WWOX: variants seen among roughly 807,000 people sequenced by gnomAD.
WWOX encodes WW domain containing oxidoreductase, also known as WW domain-containing oxidoreductase.
WWOX carries 69 observed loss-of-function variants against 46.2 expected under a neutral mutation model. The ratio of observed to expected loss-of-function variants is 1.49; its 90% CI spans 1.23 to 1.82. WWOX has a LOEUF of 1.82. WWOX is among the 40% of genes most tolerant of loss of function. The pLI is 0.00. For missense variants in WWOX, 919 were observed against 542.6 expected (o/e 1.69, Z -6.89); for synonymous variants, 359 against 202.6 (o/e 1.77, Z -6.56).
At chr16:79,117,740 C>T (rs373017063) in intron 8 of WWOX, among the ~76,000 whole-genome samples, 1 of 152,234 alleles carries the variant, frequency 6.6e-6, no homozygotes, top group African/African-American at 2.4e-5. Context: ...CTTCATGTTG[C>T]ACTTTTTTGT....
At chr16:78,912,965 C>G (rs2045150612) in intron 8 of WWOX, among the ~76,000 whole-genome samples, 1 of 151,992 alleles carries the variant, frequency 6.6e-6, no homozygotes, top group African/African-American at 2.4e-5. Flanking sequence ...CTGAGGGCTC[C>G]ACAAAGAACT....
intron 8 of WWOX, among the ~76,000 whole-genome samples, chr16:78,924,632 A>C (rs1455054425): frequency 6.6e-6 from 1 of 152,184 alleles, no homozygotes; most frequent in Non-Finnish European, 1.5e-5. Flanking sequence ...ACTGTTTAGA[A>C]AGTGTTAATT....
At chr16:78,320,386 A>G (rs2080442367) in intron 5 of WWOX, among the ~76,000 whole-genome samples, 1 of 152,082 alleles carries the variant, frequency 6.6e-6, no homozygotes, top group Non-Finnish European at 1.5e-5. Flanking sequence ...ACTTCTGTGA[A>G]CTCCAAGTAG....
chr16:78,958,165 C>G (rs1352290076), intron 8 of WWOX, among the ~76,000 whole-genome samples: 1 of 152,172 alleles, frequency 6.6e-6, no homozygotes, highest in Non-Finnish European at 1.5e-5. Context: ...GAAGGAAATT[C>G]CATTTGGTCC....
chr16:78,540,027 C>CACACAG (rs1555558660), intron 8 of WWOX, among the ~76,000 whole-genome samples: 1 of 150,552 alleles, frequency 6.6e-6, no homozygotes, highest in Admixed American at 6.6e-5. Flanking sequence ...CTCTCACACA[C>CACACAG]ACACACACAC....
At chr16:78,196,866 C>T (rs2036069208) in intron 5 of WWOX, among the ~76,000 whole-genome samples, 4 of 152,198 alleles carry the variant, frequency 2.6e-5, no homozygotes, top group Admixed American at 2.6e-4. Context: ...GTAAGATCCA[C>T]AAGGCAATTT....
chr16:78,485,275 A>G lies in WWOX; in HGVS notation c.1056+52523A>G, dbSNP rs547055002. ...CCTCCTCCAGCTATGCACATTTTCA[A>G]TGAAACTACATGTTCATTGAAAATG... On this transcript the variant is annotated intron_variant, in intron 8 of 8. Coordinates refer to ENST00000566780, the MANE Select transcript of WWOX (RefSeq NM_016373.4). Among the ~76,000 whole-genome samples the G allele has an allele frequency of 3.9e-5, 6 of 152,272 alleles. No homozygotes were observed. The East Asian group carries it at 7.7e-4, about 20-fold the overall frequency.
chr16:79,151,248 G>A (rs1465372711), intron 8 of WWOX, among the ~76,000 whole-genome samples: 2 of 152,124 alleles, frequency 1.3e-5, no homozygotes, highest in African/African-American at 4.8e-5. Flanking sequence ...TCTTTCCTAC[G>A]GTGGTTGACT....
At chr16:78,685,651 G>A (rs1004030239) in intron 8 of WWOX, among the ~76,000 whole-genome samples, 5 of 152,220 alleles carry the variant, frequency 3.3e-5, no homozygotes, top group African/African-American at 1.2e-4. Context: ...GGTGCTAAAT[G>A]CAAAGGCAGA....
intron 5 of WWOX, among the ~76,000 whole-genome samples, chr16:78,265,490 C>A (rs970732807): frequency 1.3e-5 from 2 of 151,894 alleles, no homozygotes; most frequent in Non-Finnish European, 2.9e-5. Flanking sequence ...ACCAGCCTGA[C>A]CAACATGGAG....
chr16:78,745,008 C>G (rs1313697413), intron 8 of WWOX, among the ~76,000 whole-genome samples: 1 of 152,208 alleles, frequency 6.6e-6, no homozygotes, highest in Non-Finnish European at 1.5e-5. Context: ...CCCTGCTTCC[C>G]AGCACATACC....
intron 8 of WWOX, among the ~76,000 whole-genome samples, chr16:78,731,244 G>T (rs911635020): frequency 1.3e-5 from 2 of 152,168 alleles, no homozygotes; most frequent in African/African-American, 4.8e-5. Context: ...ACATGGCAGT[G>T]TGATGTGTCC....
intron 5 of WWOX, among the ~76,000 whole-genome samples, chr16:78,193,505 A>G (rs2151766003): frequency 5.7e-5 from 1 of 17,524 alleles, no homozygotes; most frequent in Middle Eastern, 0.031. Context: ...GTGATCAGTC[A>G]CCCCATTAAC....
chr16:78,147,097 A>AT (rs2034224773), intron 4 of WWOX, among the ~76,000 whole-genome samples: 1 of 152,222 alleles, frequency 6.6e-6, no homozygotes, highest in African/African-American at 2.4e-5. Flanking sequence ...TTAAAAAGTA[A>AT]TTATCTTAAA....
At position 78,337,511 on chromosome 16, in the gene WWOX, G is replaced by T. The variant is rs1276079663; in HGVS notation, c.517-49349G>T. 2.0e-5 allele frequency among the ~76,000 whole-genome samples: 3 copies of T among 152,232 alleles called. No homozygotes were observed. The East Asian group carries it at 5.8e-4, about 29-fold the overall frequency. On this transcript the variant is annotated intron_variant, in intron 5 of 8. Transcript: ENST00000566780. ...ATTAACTAGTCTATAGTTTACATGA[G>T]GGGCTGCTGCTTGTGTTGTACATTC...
At chr16:78,745,588 C>G (rs373172172) in intron 8 of WWOX, among the ~76,000 whole-genome samples, 1 of 142,774 alleles carries the variant, frequency 7.0e-6, no homozygotes, top group Non-Finnish European at 1.5e-5. Flanking sequence ...CATTTTAAAG[C>G]CCTTCTTGGC....
intron 8 of WWOX, among the ~76,000 whole-genome samples, chr16:79,003,181 T>G (rs1274401913): frequency 1.3e-5 from 2 of 152,222 alleles, no homozygotes; most frequent in Non-Finnish European, 2.9e-5. Flanking sequence ...GAGAGCCCAA[T>G]AAAACTAAGT....
chr16:78,424,731 A>G (rs1434646483), intron 6 of WWOX, 139 bp from the exon 7 acceptor site: 8 of 998,242 alleles, frequency 8.0e-6, no homozygotes, highest in Non-Finnish European at 1.6e-6. Flanking sequence ...ACGGAGAAAG[A>G]ATTTCTCATT....
intron 8 of WWOX, among the ~76,000 whole-genome samples, chr16:78,507,675 A>G (rs1425297771): frequency 6.6e-6 from 1 of 152,042 alleles, no homozygotes; most frequent in African/African-American, 2.4e-5. Context: ...TCAGCATTGC[A>G]CCTCTTGGCA....
Sources: allele counts gnomAD v4.1 joint callset (sites outside exome capture counted in the v4.1 genomes callset), GRCh38; gene constraint gnomAD v4.1.1; transcripts MANE v1.5; gene names NCBI Gene and HGNC (gene_info 2026-07-23, HGNC 2026-07-21).